AGBL4: variants seen among roughly 807,000 people sequenced by gnomAD.
AGBL4 encodes cytosolic carboxypeptidase 6.
Under a neutral mutation model 66.4 loss-of-function variants are expected in AGBL4, and 58 were observed. The ratio of observed to expected loss-of-function variants is 0.87; its 90% CI spans 0.71 to 1.09. The LOEUF (loss-of-function observed/expected upper bound fraction) is 1.09, where lower values mean the gene tolerates loss of function less well. AGBL4 is among the 50% of genes least tolerant of loss of function. The pLI, the probability that AGBL4 is intolerant of heterozygous loss-of-function variation, is 0.00. For missense variants in AGBL4, 579 were observed against 631.0 expected (o/e 0.92, Z 0.88); for synonymous variants, 234 against 222.9 (o/e 1.05, Z -0.44).
intron 1 of AGBL4, among the ~76,000 whole-genome samples, chr1:49,894,480 A>G (rs1648972187): frequency 6.6e-6 from 1 of 152,188 alleles, no homozygotes; most frequent in South Asian, 2.1e-4. Context: ...TGAGGAAAAT[A>G]GCTGTTTTAA....
chr1:49,155,364 T>C (rs1176314208), intron 4 of AGBL4, among the ~76,000 whole-genome samples: 1 of 152,158 alleles, frequency 6.6e-6, no homozygotes, highest in Non-Finnish European at 1.5e-5. Context: ...AGGTAAGATA[T>C]ATTGAGCATT....
chr1:49,673,058 AAAGT>A (rs1279493906), intron 3 of AGBL4, among the ~76,000 whole-genome samples: 1 of 152,128 alleles, frequency 6.6e-6, no homozygotes, highest in African/African-American at 2.4e-5. Flanking sequence ...ATATGAAAAG[AAAGT>A]AAGAAAGTAA....
chr1:48,937,742 G>T (rs1001330364), intron 5 of AGBL4, among the ~76,000 whole-genome samples: 1 of 152,104 alleles, frequency 6.6e-6, no homozygotes, highest in African/African-American at 2.4e-5. Flanking sequence ...CAGTAAAATG[G>T]AGGCTTGTCA....
chr1:48,828,922 C>CGTGT (rs371689742), intron 6 of AGBL4, among the ~76,000 whole-genome samples: 1 of 151,942 alleles, frequency 6.6e-6, no homozygotes, highest in Admixed American at 6.6e-5. Context: ...GCATTGTGTA[C>CGTGT]GTGTGTGTGT....
chr1:49,139,325 G>A (rs1020300055), intron 4 of AGBL4, among the ~76,000 whole-genome samples: 2 of 152,088 alleles, frequency 1.3e-5, no homozygotes, highest in Non-Finnish European at 2.9e-5. Flanking sequence ...CCATTTTATA[G>A]GTGAGCAAAC....
chr1:49,602,923 A>T (rs1389868447), intron 3 of AGBL4, among the ~76,000 whole-genome samples: 3 of 152,136 alleles, frequency 2.0e-5, no homozygotes, highest in African/African-American at 7.2e-5. Flanking sequence ...CCAAACGAGG[A>T]TCACGTCTTG....
chr1:48,743,125 C>T (rs1032766670), intron 6 of AGBL4, among the ~76,000 whole-genome samples: 3 of 152,118 alleles, frequency 2.0e-5, no homozygotes, highest in African/African-American at 7.2e-5. Flanking sequence ...CTGAAATATG[C>T]AAATCGTGTA....
chr1:48,678,432 C>T (rs1646402101), intron 6 of AGBL4, among the ~76,000 whole-genome samples: 1 of 152,198 alleles, frequency 6.6e-6, no homozygotes, highest in Non-Finnish European at 1.5e-5. Flanking sequence ...CTTCCACTCA[C>T]ACACATCTTG....
chr1:49,743,391 AG>A (rs768427873), intron 2 of AGBL4, among the ~76,000 whole-genome samples: 7 of 152,218 alleles, frequency 4.6e-5, no homozygotes, highest in Non-Finnish European at 7.3e-5. Context: ...ATCATTAAAA[AG>A]TCAGGAAACA....
At chr1:49,464,888 C>T (rs1010973902) in intron 3 of AGBL4, among the ~76,000 whole-genome samples, 3 of 151,616 alleles carry the variant, frequency 2.0e-5, no homozygotes, top group Admixed American at 6.6e-5. Flanking sequence ...GCTTGTATCA[C>T]ACCCCCACCC....
chr1:48,873,696 C>T (rs1413560447), intron 5 of AGBL4, among the ~76,000 whole-genome samples: 3 of 152,102 alleles, frequency 2.0e-5, no homozygotes, highest in African/African-American at 4.8e-5. Context: ...TTTAGTTTTA[C>T]CCCTTGTCTT....
chr1:49,773,601 G>T (rs1324548140), intron 2 of AGBL4, among the ~76,000 whole-genome samples: 1 of 152,164 alleles, frequency 6.6e-6, no homozygotes, highest in Non-Finnish European at 1.5e-5. Flanking sequence ...ATTTGTGGTG[G>T]GTTGGTTTTG....
intron 3 of AGBL4, among the ~76,000 whole-genome samples, chr1:49,493,256 A>G (rs1359897866): frequency 6.6e-6 from 1 of 151,988 alleles, no homozygotes; most frequent in Non-Finnish European, 1.5e-5. Context: ...GCTTACTACA[A>G]TTCCTTGAAA....
chr1:49,719,762 G>A (rs941882911), intron 2 of AGBL4, among the ~76,000 whole-genome samples: 2 of 151,998 alleles, frequency 1.3e-5, no homozygotes, highest in African/African-American at 4.8e-5. Context: ...TCTGGTGGGA[G>A]GTAATTTAAC....
intron 6 of AGBL4, among the ~76,000 whole-genome samples, chr1:48,757,267 TC>T (rs1320205581): frequency 6.6e-6 from 1 of 152,186 alleles, no homozygotes; most frequent in Non-Finnish European, 1.5e-5. Context: ...AAACATTTTT[TC>T]TCTCTGAAAA....
intron 3 of AGBL4, among the ~76,000 whole-genome samples, chr1:49,258,898 G>T (rs1652820831): frequency 6.6e-6 from 1 of 152,182 alleles, no homozygotes; most frequent in South Asian, 2.1e-4. Flanking sequence ...CTTAAGGGCA[G>T]CCAGAGAGAA....
intron 3 of AGBL4, among the ~76,000 whole-genome samples, chr1:49,314,127 G>A (rs1293698571): frequency 6.6e-6 from 1 of 152,146 alleles, no homozygotes; most frequent in Non-Finnish European, 1.5e-5. Flanking sequence ...AATAGGGAAT[G>A]CTTTCCCCAC....
At chr1:49,982,245 G>T (rs1448511441) in intron 1 of AGBL4, among the ~76,000 whole-genome samples, 2 of 152,246 alleles carry the variant, frequency 1.3e-5, no homozygotes, top group Admixed American at 6.5e-5. Flanking sequence ...TGCAGTGGGG[G>T]AGATGTGCCC....
chr1:49,705,712 T>A (rs1480415655), intron 2 of AGBL4, among the ~76,000 whole-genome samples: 1 of 152,134 alleles, frequency 6.6e-6, no homozygotes. Flanking sequence ...TCAGATACAT[T>A]CCATCATTAC....
Sources: gnomAD v4.1 joint callset for allele counts (sites outside exome capture counted in the v4.1 genomes callset) on GRCh38, gnomAD v4.1.1 for gene constraint, MANE v1.5 for transcripts, NCBI Gene and HGNC (gene_info 2026-07-23, HGNC 2026-07-21) for gene names.